The following FAM135B variants were observed in gnomAD, a reference collection of about 807,000 sequenced individuals.
FAM135B encodes protein FAM135B.
Under a neutral mutation model 127.7 loss-of-function variants are expected in FAM135B, and 43 were observed. The observed-to-expected ratio is 0.34, with a 90% CI of 0.26 to 0.43. The LOEUF (loss-of-function observed/expected upper bound fraction) is 0.43, where lower values mean the gene tolerates loss of function less well. Among genes scored for constraint, FAM135B ranks in the 20% least tolerant of loss-of-function variants. The probability of loss-of-function intolerance (pLI) is 1.00; values close to 1 mark genes in which losing one functional copy is unlikely to be tolerated. For synonymous variants in FAM135B, 670 were observed against 665.1 expected, an observed-to-expected ratio of 1.01 and a Z score of -0.11; for missense variants, 1,558 against 1,725.6, an observed-to-expected ratio of 0.90 and a Z score of 1.72.
At chr8:138,225,467 A>C (rs1819349353) in intron 7 of FAM135B, among the ~76,000 whole-genome samples, 1 of 146,958 alleles carries the variant, frequency 6.8e-6, no homozygotes, top group South Asian at 2.1e-4. Flanking sequence ...AAAAAAAAAC[A>C]AAAAAACAAA....
intron 7 of FAM135B, among the ~76,000 whole-genome samples, chr8:138,202,787 G>C (rs528563019): frequency 3.0e-5 from 2 of 66,550 alleles, no homozygotes; most frequent in East Asian, 1.2e-3. Context: ...GATGGCCTCG[G>C]TGAACGTGTC....
chr8:138,349,672 A>G lies in FAM135B; in HGVS notation c.77+18235T>C, dbSNP rs764123919. 3.5e-4 allele frequency among the ~76,000 whole-genome samples: 53 copies of G among 152,326 alleles called. 1 individual carries two copies. Among genetic ancestry groups the G allele is most frequent in the South Asian group, 1.2e-3 (6 of 4,822 alleles). On this transcript the variant is annotated intron_variant, in intron 2 of 19. Coordinates refer to ENST00000395297, the MANE Select transcript of FAM135B (RefSeq NM_015912.4). ...GAATGAATGAATGAGTGAATGAGTG[A>G]ATGAATGAATACTTATGTGTGAGGA...
intron 1 of FAM135B, among the ~76,000 whole-genome samples, chr8:138,444,279 C>T (rs1382176274): frequency 1.3e-5 from 2 of 152,124 alleles, no homozygotes; most frequent in African/African-American, 4.8e-5. Flanking sequence ...AGGAATTGAA[C>T]TCAGCTCTGC....
intron 3 of FAM135B, among the ~76,000 whole-genome samples, chr8:138,307,359 AT>A (rs1217346774): frequency 6.6e-6 from 1 of 152,166 alleles, no homozygotes; most frequent in African/African-American, 2.4e-5. Flanking sequence ...TATAAGTCTA[AT>A]TAAACCTTTT....
intron 1 of FAM135B, among the ~76,000 whole-genome samples, chr8:138,463,900 A>C (rs79596665): frequency 6.6e-6 from 1 of 152,220 alleles, no homozygotes; most frequent in Admixed American, 6.5e-5. Flanking sequence ...TACCATTATT[A>C]AAATAACCAA....
chr8:138,414,764 C>G (rs1430303311), intron 1 of FAM135B, among the ~76,000 whole-genome samples: 1 of 152,044 alleles, frequency 6.6e-6, no homozygotes. Flanking sequence ...CTTACCAGTC[C>G]CCCACTAAGA....
At chr8:138,248,635 C>G (rs763295938) in intron 6 of FAM135B, among the ~76,000 whole-genome samples, 32 of 151,994 alleles carry the variant, frequency 2.1e-4, no homozygotes, top group Non-Finnish European at 4.1e-4. Flanking sequence ...GTATGAGCAA[C>G]TTGGTGAAAC....
Position 138,130,169 on chromosome 8 carries a change from A to C in FAM135B, c.*2424T>G, listed in dbSNP as rs1015820826. The C allele has an allele frequency of 1.3e-5, 2 of 150,882 alleles. No homozygotes were observed. The highest frequency in any genetic ancestry group is 2.9e-5 in the Non-Finnish European group (2 of 67,842). The allele number at this position is 150,882 out of a possible 1,614,324, so 9.3% of individuals were successfully genotyped here. ...TTGTTTATAATTTTTACAATCAATA[A>C]TAGAATGTCCCTGTTTTACATAATA... On this transcript the variant is annotated 3_prime_UTR_variant, in exon 20 of 20. Transcript: ENST00000395297.
rs530340140 is a variant in FAM135B, at chr8:138,143,149, G to A, written c.3541-40C>T. The stretch of plus-strand genomic sequence containing the variant: ...AGGAACAGGTGTTGGGTATGGTTGT[G>A]GCGGGGGCTGGGCTTTGTGCACAGC... On this transcript the variant is annotated intron_variant, in intron 15 of 19. Transcript: ENST00000395297. 6.8e-6 allele frequency: 8 copies of A among 1,173,420 alleles called. No individual in the cohort carries two copies. The Admixed American group carries it at 1.2e-4, about 17-fold the overall frequency. The allele number at this position is 1,173,420 out of a possible 1,614,324, so 72.7% of individuals were successfully genotyped here.
At chr8:138,143,643 A>G (rs1485359601) in intron 15 of FAM135B, among the ~76,000 whole-genome samples, 3 of 152,212 alleles carry the variant, frequency 2.0e-5, no homozygotes, top group Non-Finnish European at 2.9e-5. Flanking sequence ...AATGCCACAC[A>G]TGTCCTTGAA....
chr8:138,230,849 A>G (rs1390832667), intron 7 of FAM135B, among the ~76,000 whole-genome samples: 1 of 152,052 alleles, frequency 6.6e-6, no homozygotes, highest in East Asian at 1.9e-4. Context: ...TGACAATATA[A>G]TTTTGTTTAA....
intron 3 of FAM135B, among the ~76,000 whole-genome samples, chr8:138,300,755 T>G (rs1825825674): frequency 6.8e-6 from 1 of 146,822 alleles, no homozygotes; most frequent in South Asian, 2.2e-4. Context: ...TTTTTTTTTT[T>G]TTTTTTTTTT....
intron 6 of FAM135B, among the ~76,000 whole-genome samples, chr8:138,248,480 T>C (rs1056935160): frequency 1.3e-5 from 2 of 152,132 alleles, no homozygotes. Flanking sequence ...CTTCATCCCA[T>C]TGCACCTCCT....
chr8:138,343,343 C>G (rs971510292), intron 2 of FAM135B, among the ~76,000 whole-genome samples: 2 of 152,156 alleles, frequency 1.3e-5, no homozygotes, highest in Admixed American at 6.5e-5. Context: ...TCAAGAACAG[C>G]CAAACCCAGG....
chr8:138,450,711 G>A (rs1310493042), intron 1 of FAM135B: 1 of 151,964 alleles, frequency 6.6e-6, no homozygotes, highest in Non-Finnish European at 1.5e-5. Flanking sequence ...TCTTATTGTT[G>A]AGTTTTATGG....
rs2130480400 is a variant in FAM135B, at chr8:138,132,589, G to A, written c.*4C>T. The A allele has an allele frequency of 6.2e-7, 1 of 1,609,836 alleles. No individual in the cohort carries two copies. The highest frequency in any genetic ancestry group is 8.5e-7 in the Non-Finnish European group (1 of 1,176,126). The stretch of plus-strand genomic sequence containing the variant: ...ATTACCAAAGACCTGCTCCCTCAAA[G>A]CCACTACTTGAAGTAGTTGAGTCCT... On this transcript the variant is annotated 3_prime_UTR_variant, in exon 20 of 20. Coordinates refer to ENST00000395297, the MANE Select transcript of FAM135B (RefSeq NM_015912.4). The surrounding 1 kb of genome is among the most constrained non-coding windows in gnomAD (Gnocchi z 4.5).
chr8:138,271,528 C>A (rs1455723641), intron 3 of FAM135B, among the ~76,000 whole-genome samples: 13 of 152,066 alleles, frequency 8.5e-5, no homozygotes, highest in Non-Finnish European at 2.9e-5. Context: ...CACAGGGTTC[C>A]TTTTGGGACA....
In FAM135B at chr8:138,152,928, T is replaced by A. The variant is rs772493563; in HGVS notation, c.1547A>T (p.Asp516Val). ...EFQNKAGVPE[D>V]ECWTGQTSDA... ...AGATGTTTGGCCAGTCCAACATTCATCTTCAGGCACACCTGCTTTGTTTTG... is the reference window on the plus strand; with the variant it reads ...AGATGTTTGGCCAGTCCAACATTCAACTTCAGGCACACCTGCTTTGTTTTG... The change falls in exon 13 of 20, where the codon GAT (aspartate) becomes GTT (valine). Residue 516 changes from aspartate to valine, a missense_variant. Asp to Val is a radical substitution (Grantham distance 152). Transcript: ENST00000395297. The A allele has an allele frequency of 6.2e-7, 1 of 1,614,238 alleles. No individual in the cohort carries two copies. The highest frequency in any genetic ancestry group is 8.5e-7 in the Non-Finnish European group (1 of 1,180,042).
intron 9 of FAM135B, among the ~76,000 whole-genome samples, chr8:138,186,185 G>C (rs1476153587): frequency 6.6e-6 from 1 of 152,096 alleles, no homozygotes; most frequent in East Asian, 1.9e-4. Context: ...TCGCTCCCTG[G>C]TTCCAGTACT....
Sources: allele counts gnomAD v4.1 joint callset (sites outside exome capture counted in the v4.1 genomes callset), GRCh38; gene constraint gnomAD v4.1.1; non-coding constraint Gnocchi (gnomAD v3.1); transcripts MANE v1.5; gene names NCBI Gene and HGNC (gene_info 2026-07-23, HGNC 2026-07-21).